Variants in MTAP observed in about 807,000 individuals in gnomAD.
MTAP encodes the protein methylthioadenosine phosphorylase, also known as S-methyl-5'-thioadenosine phosphorylase.
In MTAP, 33 loss-of-function variants were observed where a neutral mutation model predicts 33.6. The observed-to-expected ratio is 0.98, with a 90% CI of 0.74 to 1.31. The LOEUF (loss-of-function observed/expected upper bound fraction) is 1.31. Ranked by LOEUF, MTAP falls within the 40% of genes most tolerant of loss-of-function variation. The pLI is 0.00. For synonymous variants in MTAP, 148 were observed against 125.7 expected (o/e 1.18, Z -1.19); for missense variants, 367 against 360.0 (o/e 1.02, Z -0.16).
chr9:21,839,635 G>A (rs779740978), intron 5 of MTAP, among the ~76,000 whole-genome samples: 4 of 152,150 alleles, frequency 2.6e-5, no homozygotes, highest in East Asian at 1.9e-4. Context: ...GGCAAAATAA[G>A]CATTCAGAAA....
intron 1 of MTAP, among the ~76,000 whole-genome samples, chr9:21,806,123 T>G (rs1171199344): frequency 6.6e-6 from 1 of 152,092 alleles, no homozygotes; most frequent in Non-Finnish European, 1.5e-5. Flanking sequence ...TGATTTACAT[T>G]TTAAAATGAT....
chr9:21,860,140 G>A (rs1376900435), intron 7 of MTAP: 2 of 152,152 alleles, frequency 1.3e-5, no homozygotes, highest in East Asian at 3.9e-4. Context: ...GTTGATCTAA[G>A]CCCTCCTTAC....
At chr9:21,818,883 G>T (rs994036673) in intron 4 of MTAP, among the ~76,000 whole-genome samples, 1 of 152,080 alleles carries the variant, frequency 6.6e-6, no homozygotes, top group Non-Finnish European at 1.5e-5. Context: ...TATTCCTCCT[G>T]TCTAACTGAA....
chr9:21,928,836 C>T (rs1818909120), intron 1 of MTAP, among the ~76,000 whole-genome samples: 1 of 151,822 alleles, frequency 6.6e-6, no homozygotes, highest in Non-Finnish European at 1.5e-5. Context: ...AATTAAGCCC[C>T]TTTGAGATCT....
intron 4 of MTAP, among the ~76,000 whole-genome samples, chr9:21,825,851 A>G (rs921526289): frequency 1.3e-5 from 2 of 152,056 alleles, no homozygotes; most frequent in Non-Finnish European, 2.9e-5. Flanking sequence ...GTGTGAGGTG[A>G]TATCTTATTG....
chr9:21,872,056 C>T (rs1008793479), downstream of MTAP, among the ~76,000 whole-genome samples: 2 of 152,172 alleles, frequency 1.3e-5, no homozygotes, highest in Non-Finnish European at 2.9e-5. Flanking sequence ...TGGCTCACAC[C>T]TGTAATCCCA....
chr9:21,855,338 A>G (rs1587250840), intron 6 of MTAP, among the ~76,000 whole-genome samples: 2 of 152,258 alleles, frequency 1.3e-5, no homozygotes, highest in Non-Finnish European at 1.5e-5. Flanking sequence ...AGGAGCCGAC[A>G]TTCTGTCGGA....
intron 1 of MTAP, among the ~76,000 whole-genome samples, chr9:21,815,118 A>C (rs1448266549): frequency 6.6e-6 from 1 of 152,192 alleles, no homozygotes; most frequent in Non-Finnish European, 1.5e-5. Context: ...TTGATTTTCT[A>C]CCTTGAGTTG....
At chr9:21,913,285 G>T (rs1177877220) in intron 1 of MTAP, among the ~76,000 whole-genome samples, 1 of 152,092 alleles carries the variant, frequency 6.6e-6, no homozygotes, top group South Asian at 2.1e-4. Context: ...TTACTTTAAA[G>T]TTCATATGGA....
chr9:21,827,847 G>C (rs554555285), intron 4 of MTAP, among the ~76,000 whole-genome samples: 1 of 152,300 alleles, frequency 6.6e-6, no homozygotes, highest in East Asian at 1.9e-4. Context: ...AATAGTTTAA[G>C]AAAATGATTA....
intron 1 of MTAP, among the ~76,000 whole-genome samples, chr9:21,921,667 T>C (rs1264813366): frequency 6.6e-6 from 1 of 152,180 alleles, no homozygotes; most frequent in Non-Finnish European, 1.5e-5. Flanking sequence ...TAAATCAAAA[T>C]ATGCCTCTCT....
rs528418713 is a variant in MTAP, at chr9:21,802,642, A to G, written c.-107A>G. 3 of 1,295,070 alleles carry G rather than the reference A, an allele frequency of 2.3e-6. No individual in the cohort carries two copies. The highest frequency in any genetic ancestry group is 1.3e-5 in the South Asian group (1 of 79,698). 80.2% of individuals were successfully genotyped at this position (1,295,070 alleles called of 1,614,324 possible). Reference sequence around the variant, plus strand: ...GTCAAGGCCCGCCCCTGGTCTCCGCACTGCTCACTCCCGCGCAGTGAGGTT... The same window carrying G: ...GTCAAGGCCCGCCCCTGGTCTCCGCGCTGCTCACTCCCGCGCAGTGAGGTT... On this transcript the variant is annotated 5_prime_UTR_variant, in exon 1 of 8. Coordinates refer to ENST00000644715, the MANE Select transcript of MTAP (RefSeq NM_002451.4).
chr9:21,924,115 A>T (rs1818829886), intron 1 of MTAP, among the ~76,000 whole-genome samples: 1 of 152,202 alleles, frequency 6.6e-6, no homozygotes, highest in African/African-American at 2.4e-5. Context: ...TTGTGATGAG[A>T]TGGGACACAG....
intron 6 of MTAP, among the ~76,000 whole-genome samples, chr9:21,858,194 G>T (rs942660129): frequency 3.3e-5 from 5 of 152,140 alleles, no homozygotes; most frequent in Non-Finnish European, 7.3e-5. Flanking sequence ...GTTTTCCAGT[G>T]TAGCAACAGT....
intron 1 of MTAP, 81 bp downstream of exon 1, chr9:21,802,862 G>A (rs751896371): frequency 6.4e-7 from 1 of 1,573,314 alleles, no homozygotes; most frequent in South Asian, 1.2e-5. Flanking sequence ...GCGCCTCCGG[G>A]GGCCATGCGC....
chr9:21,840,028 C>T (rs1034417944), intron 5 of MTAP, among the ~76,000 whole-genome samples: 5 of 152,158 alleles, frequency 3.3e-5, no homozygotes, highest in African/African-American at 1.2e-4. Context: ...AGATCAAGAA[C>T]ATTCTGGCTA....
rs1012308759 is a variant in MTAP at position 21,866,398 on chromosome 9, A to C, written c.*4384A>C. 1 of 151,796 alleles carries C rather than the reference A, an allele frequency of 6.6e-6. No individual in the cohort carries two copies. 9.4% of individuals were successfully genotyped at this position (151,796 alleles called of 1,614,324 possible). ...CATTTTGACGAAGCCTAGTTTATCA[A>C]TTTTTTTTATGGTTGGTGCTTTTTG... is the stretch of plus-strand genomic sequence containing the variant. On this transcript the variant is annotated 3_prime_UTR_variant, in exon 8 of 8. Coordinates refer to ENST00000644715, the MANE Select transcript of MTAP (RefSeq NM_002451.4).
intron 4 of MTAP, among the ~76,000 whole-genome samples, chr9:21,824,690 C>G (rs987129082): frequency 6.6e-6 from 1 of 152,178 alleles, no homozygotes; most frequent in Admixed American, 6.5e-5. Flanking sequence ...CTATGCCCTG[C>G]CCCCAGAGTT....
chr9:21,826,302 AAGGGTCCACTCATT>A (rs1824799969), intron 4 of MTAP, among the ~76,000 whole-genome samples: 1 of 151,748 alleles, frequency 6.6e-6, no homozygotes, highest in Non-Finnish European at 1.5e-5. Context: ...TTGTTCAAAT[AAGGGTCCACTCATT>A]ACACACATAA....
Sources: gnomAD v4.1 joint callset for allele counts (sites outside exome capture counted in the v4.1 genomes callset) on GRCh38, gnomAD v4.1.1 for gene constraint, MANE v1.5 for transcripts, NCBI Gene and HGNC (gene_info 2026-07-23, HGNC 2026-07-21) for gene names.